The following MPV17 variants were observed in gnomAD, a reference collection of about 807,000 sequenced individuals.
MPV17 encodes MPV17, mitochondrial inner membrane protein.
MPV17 carries 31 observed loss-of-function variants against 28.6 expected under a neutral mutation model. That is an observed-to-expected ratio of 1.08 (90% CI 0.81 to 1.46). MPV17 has a LOEUF of 1.46. Ranked by LOEUF, MPV17 falls within the 40% of genes most tolerant of loss-of-function variation. MPV17 has a pLI of 0.00. For synonymous variants in MPV17, 87 were observed against 85.3 expected (o/e 1.02, Z -0.11); for missense variants, 198 against 216.2 (o/e 0.92, Z 0.53).
chr2:27,310,039 G>T, intron 7 of MPV17, 58 bp from the exon 8 acceptor site: 1 of 1,311,164 alleles, frequency 7.6e-7, no homozygotes, highest in Non-Finnish European at 1.1e-6. Flanking sequence ...AGCAAGGGCT[G>T]GAGATGGGAG....
At chr2:27,318,795 C>T (rs746688561) in intron 2 of MPV17, among the ~76,000 whole-genome samples, 1 of 151,812 alleles carries the variant, frequency 6.6e-6, no homozygotes, top group Non-Finnish European at 1.5e-5. Flanking sequence ...GATGGAGTCT[C>T]GCTCTGTCGC....
chr2:27,318,053 G>A (rs891396785), intron 2 of MPV17, among the ~76,000 whole-genome samples: 6 of 151,906 alleles, frequency 3.9e-5, no homozygotes, highest in Non-Finnish European at 8.8e-5. Flanking sequence ...TATCCCATGA[G>A]GTCAATCTTT....
At position 27,322,538 on chromosome 2, in the gene MPV17, G is replaced by A; in HGVS notation, c.-5-16C>T. The A allele has an allele frequency of 6.2e-7, 1 of 1,611,758 alleles. No homozygotes were observed. Among genetic ancestry groups the A allele is most frequent in the Non-Finnish European group, 8.5e-7 (1 of 1,178,304 alleles). On this transcript the variant is annotated splice_polypyrimidine_tract_variant and intron_variant, in intron 1 of 7. Coordinates refer to ENST00000380044, the MANE Select transcript of MPV17 (RefSeq NM_002437.5). ...GCCATGCTTCCTGTCAAGCCAAGAGGAGAGGGGGTCACCCCCACCGTCCCT... is the reference window on the plus strand; with the variant it reads ...GCCATGCTTCCTGTCAAGCCAAGAGAAGAGGGGGTCACCCCCACCGTCCCT...
At chr2:27,315,864 C>T in intron 2 of MPV17, 2 of 1,362,118 alleles carry the variant, frequency 1.5e-6, no homozygotes, top group Admixed American at 6.3e-5. Context: ...ACCCAGCCTA[C>T]ACCCCCATTT....
intron 1 of MPV17, 152 bp from the exon 2 acceptor site, chr2:27,322,674 G>C (rs1277561604): frequency 1.5e-6 from 1 of 654,310 alleles, no homozygotes; most frequent in Non-Finnish European, 2.7e-6. Flanking sequence ...TTCCCAGACA[G>C]CTTCCTGTCG....
In MPV17 at chr2:27,312,981, G is replaced by C; in HGVS notation, c.186+13C>G. 1.2e-6 allele frequency: 2 copies of C among 1,613,924 alleles called. No individual in the cohort carries two copies. Among genetic ancestry groups the C allele is most frequent in the South Asian group, 2.2e-5 (2 of 91,078 alleles). The stretch of plus-strand genomic sequence containing the variant: ...GTTGAGTCCACTGAAGCCCTGTTGA[G>C]GGGAGAACTTACCACAAAGCCACAG... On this transcript the variant is annotated intron_variant, in intron 3 of 7. Coordinates refer to ENST00000380044, the MANE Select transcript of MPV17 (RefSeq NM_002437.5).
In MPV17 at chr2:27,312,575, CG is replaced by C. The variant is rs1553383480; in HGVS notation, c.293del (p.Pro98ArgfsTer4). The C allele has an allele frequency of 6.2e-7, 1 of 1,614,098 alleles. No individual in the cohort carries two copies. Among genetic ancestry groups the C allele is most frequent in the Admixed American group, 1.7e-5 (1 of 60,020 alleles). ...KMLLDQGGFA[P>X]CFLGCFLPLV... ...GTGGGAGAAAGCAGCCTAGAAAACA[CG>C]GGGCAAAGCCCCCCTAGGGAAGAGA... On this transcript the variant is annotated frameshift_variant, in exon 5 of 8. Transcript: ENST00000380044. LOFTEE classifies it high-confidence loss of function.
intron 2 of MPV17, chr2:27,316,931 C>T (rs1450916889): frequency 2.5e-5 from 18 of 727,876 alleles, no homozygotes; most frequent in African/African-American, 1.6e-4. Flanking sequence ...ACAGATCCAG[C>T]GGCCAGGGGG....
rs1234949312 is a variant in MPV17, at chr2:27,320,962, G to A, written c.70+1486C>T. 2.6e-5 allele frequency among the ~76,000 whole-genome samples: 4 copies of A among 152,274 alleles called. No individual in the cohort carries two copies. In the South Asian group the frequency reaches 6.2e-4, roughly 24 times the overall value. On this transcript the variant is annotated intron_variant, in intron 2 of 7. Transcript: ENST00000380044. Reference sequence around the variant, plus strand: ...GCTGGGAGGCTACATTTTGCTTCAGGGCTGAGCTGGGACGTCAGCATAGCC... The same window carrying A: ...GCTGGGAGGCTACATTTTGCTTCAGAGCTGAGCTGGGACGTCAGCATAGCC...
At chr2:27,312,118 C>T (rs570077565) in intron 6 of MPV17, 96 bp downstream of exon 6, 36 of 1,483,682 alleles carry the variant, frequency 2.4e-5, no homozygotes, top group East Asian at 6.8e-5. Context: ...GTAATCCCAA[C>T]GGAAGGGTTT....
Position 27,312,492 on chromosome 2 carries a change from A to G in MPV17, c.375+2T>C, listed in dbSNP as rs1054997754. On this transcript the variant is annotated splice_donor_variant, in intron 5 of 7. Coordinates refer to ENST00000380044, the MANE Select transcript of MPV17 (RefSeq NM_002437.5). LOFTEE classifies it high-confidence loss of function. ...GACATTCTCCACACCTGCCCAGCTC[A>G]CCCGCTGTAGTTTGGCCCAGTTGTC... 2 of 1,613,722 alleles carry G rather than the reference A, an allele frequency of 1.2e-6. No homozygotes were observed. Among genetic ancestry groups the G allele is most frequent in the Admixed American group, 3.3e-5 (2 of 59,982 alleles).
intron 1 of MPV17, 105 bp from the exon 2 acceptor site, chr2:27,322,627 A>G (rs1407973534): frequency 2.2e-6 from 2 of 917,284 alleles, no homozygotes; most frequent in Non-Finnish European, 3.5e-6. Context: ...CCCACTTCCA[A>G]TGTGACTTAA....
At position 27,314,818 on chromosome 2, in the gene MPV17, C is replaced by G. The variant is rs573495750; in HGVS notation, c.71-1709G>C. ...ACAAACACATCCTTCTGCCCCATTC[C>G]TTGGCCCAGAACTGGCTCTGACGTC... On this transcript the variant is annotated intron_variant, in intron 2 of 7. Transcript: ENST00000380044. Among the ~76,000 whole-genome samples, 4 of 152,358 alleles carry G rather than the reference C, an allele frequency of 2.6e-5. No individual in the cohort carries two copies. The East Asian group carries it at 7.7e-4, about 29-fold the overall frequency.
In MPV17 at chr2:27,311,903, A is replaced by G. The variant is rs778608060; in HGVS notation, c.457T>C (p.Tyr153His). Residue 153 changes from tyrosine (Y) to histidine (H), a missense_variant, in exon 7 of 8, where the codon TAC becomes CAC. By Grantham distance (83) the Tyr-to-His change is moderately conservative. Transcript: ENST00000380044. ...TGGGGTAGGGGTGCAACATACCTGT[A>G]ATGAAGGGGGACCAGGTAGAAGTTG... ...LANFYLVPLH[Y>H]RLAVVQCVAV... The G allele has an allele frequency of 6.2e-7, 1 of 1,613,702 alleles. No homozygotes were observed. Among genetic ancestry groups the G allele is most frequent in the East Asian group, 2.2e-5 (1 of 44,880 alleles).
chr2:27,311,811 T>A, intron 7 of MPV17, 88 bp downstream of exon 7: 4 of 1,578,378 alleles, frequency 2.5e-6, no homozygotes, highest in Non-Finnish European at 3.5e-6. Flanking sequence ...GGGTCTAAGG[T>A]AGCTCAAGGT....
intron 2 of MPV17, among the ~76,000 whole-genome samples, chr2:27,321,564 G>T (rs1679859054): frequency 6.6e-6 from 1 of 152,166 alleles, no homozygotes; most frequent in Admixed American, 6.5e-5. Flanking sequence ...ATCTTAATGT[G>T]ATCACTCTTT....
In MPV17 at chr2:27,312,986, G is replaced by C; in HGVS notation, c.186+8C>G. 2 of 1,614,076 alleles carry C rather than the reference G, an allele frequency of 1.2e-6. No homozygotes were observed. The highest frequency in any genetic ancestry group is 1.1e-5 in the South Asian group (1 of 91,088). On this transcript the variant is annotated splice_region_variant and intron_variant, in intron 3 of 7. Coordinates refer to ENST00000380044, the MANE Select transcript of MPV17 (RefSeq NM_002437.5). ...GTCCACTGAAGCCCTGTTGAGGGGAGAACTTACCACAAAGCCACAGCCCAG... is the reference window on the plus strand; with the variant it reads ...GTCCACTGAAGCCCTGTTGAGGGGACAACTTACCACAAAGCCACAGCCCAG...
intron 2 of MPV17, among the ~76,000 whole-genome samples, chr2:27,321,281 C>T (rs906471465): frequency 5.3e-5 from 8 of 152,222 alleles, no homozygotes; most frequent in African/African-American, 1.9e-4. Flanking sequence ...CACACGTAGC[C>T]AGGTGAGTCA....
chr2:27,318,481 C>T (rs778563325), intron 2 of MPV17, among the ~76,000 whole-genome samples: 30 of 152,056 alleles, frequency 2.0e-4, no homozygotes, highest in Non-Finnish European at 3.7e-4. Flanking sequence ...CCTCAGCCTC[C>T]TGAGTAGCTG....
Sources: allele counts gnomAD v4.1 joint callset (sites outside exome capture counted in the v4.1 genomes callset), GRCh38; gene constraint gnomAD v4.1.1; transcripts MANE v1.5; gene names NCBI Gene and HGNC (gene_info 2026-07-23, HGNC 2026-07-21).